The following DNAH10 variants were observed in gnomAD, a reference collection of about 807,000 sequenced individuals.
DNAH10 encodes dynein axonemal heavy chain 10.
In DNAH10, 348 loss-of-function variants were observed where a neutral mutation model predicts 506.6. That is an observed-to-expected ratio of 0.69 (90% confidence interval 0.63 to 0.75). The LOEUF is 0.75. Ranked by LOEUF, DNAH10 falls within the 30% of genes least tolerant of loss-of-function variation. The pLI is 0.00. For missense variants in DNAH10, 5,179 were observed against 5,787.1 expected, an observed-to-expected ratio of 0.89 and a Z score of 3.41; for synonymous variants, 2,059 against 2,198.6, an observed-to-expected ratio of 0.94 and a Z score of 1.78.
At chr12:123,766,112 G>A (rs1034283317) in intron 1 of DNAH10, among the ~76,000 whole-genome samples, 4 of 137,466 alleles carry the variant, frequency 2.9e-5, no homozygotes, top group Admixed American at 7.1e-5. Context: ...ACATCTGTCT[G>A]TCTATCTATC....
At position 123,838,492 on chromosome 12, in the gene DNAH10, A is replaced by T; in HGVS notation, c.4939A>T (p.Arg1647Trp). The T allele has an allele frequency of 6.2e-7, 1 of 1,613,988 alleles. No homozygotes were observed. Residue 1647 changes from arginine to tryptophan, a missense_variant, in exon 29 of 79, where the codon AGG becomes TGG. Physicochemically the swap from Arg to Trp is moderately radical, Grantham distance 101. Around this residue, in one of 3 missense-constraint regions of DNAH10, gnomAD observed 4,844 missense variants for 5,430.5 expected, o/e 0.89. Coordinates refer to ENST00000673944, the MANE Select transcript of DNAH10 (RefSeq NM_001372106.1). ...GACCTTAAAAGACCCCGTGATCAAGAGGTGCTGTGAAGCCCCAAACCGCCT... is the reference window on the plus strand; with the variant it reads ...GACCTTAAAAGACCCCGTGATCAAGTGGTGCTGTGAAGCCCCAAACCGCCT... ...GETLKDPVIK[R>W]CCEAPNRLSD...
intron 36 of DNAH10, 103 bp from the exon 37 acceptor site, chr12:123,856,953 T>C (rs1419988173): frequency 2.9e-6 from 2 of 683,444 alleles, no homozygotes; most frequent in Non-Finnish European, 4.2e-6. Flanking sequence ...ATAAAAATTA[T>C]ATTTTATATT....
chr12:123,923,294 A>G (rs1372517815), intron 65 of DNAH10: 2 of 152,776 alleles, frequency 1.3e-5, no homozygotes, highest in Non-Finnish European at 2.9e-5. Flanking sequence ...TTTGCACTAC[A>G]ATGGCGGAGT....
At chr12:123,824,338 G>A (rs538925649) in intron 24 of DNAH10, among the ~76,000 whole-genome samples, 1 of 152,296 alleles carries the variant, frequency 6.6e-6, no homozygotes, top group Admixed American at 6.5e-5. Flanking sequence ...TTCAGGGCAA[G>A]GTGATGTCTG....
intron 47 of DNAH10, among the ~76,000 whole-genome samples, chr12:123,877,533 C>T (rs963510876): frequency 1.1e-4 from 16 of 152,122 alleles, no homozygotes; most frequent in Non-Finnish European, 1.2e-4. Flanking sequence ...TCAGGCTGGT[C>T]TTCAACTCCT....
chr12:123,858,206 G>A (rs1330287998), intron 37 of DNAH10, among the ~76,000 whole-genome samples: 3 of 151,994 alleles, frequency 2.0e-5, no homozygotes, highest in Non-Finnish European at 4.4e-5. Flanking sequence ...GATATTGCAG[G>A]GATAGGATTT....
chr12:123,857,632 G>A (rs1594211814), intron 37 of DNAH10, among the ~76,000 whole-genome samples: 1 of 152,194 alleles, frequency 6.6e-6, no homozygotes, highest in Non-Finnish European at 1.5e-5. Flanking sequence ...GGAGGCTGAG[G>A]CGAGAGAATT....
At chr12:123,851,392 C>G (rs1594194149) in intron 35 of DNAH10, among the ~76,000 whole-genome samples, 1 of 150,900 alleles carries the variant, frequency 6.6e-6, no homozygotes, top group Non-Finnish European at 1.5e-5. Flanking sequence ...GACTGGGGAC[C>G]TAGGATGTGT....
chr12:123,826,733 T>A lies in DNAH10; in HGVS notation c.4226T>A (p.Val1409Glu). 1 of 1,613,878 alleles carries A rather than the reference T, an allele frequency of 6.2e-7. No individual in the cohort carries two copies. Among genetic ancestry groups the A allele is most frequent in the Non-Finnish European group, 8.5e-7 (1 of 1,179,782 alleles). ...WSQTLWINLN[V>E]QILQEGIEGF... is the part of the protein sequence containing the mutation. The stretch of plus-strand genomic sequence containing the variant: ...CAGACCCTTTGGATCAACCTGAATG[T>A]GCAGATTCTCCAGGAAGGAATTGAA... Residue 1409 changes from valine to glutamate, a missense_variant, in exon 25 of 79, where the codon GTG becomes GAG. By Grantham distance (121) the Val-to-Glu change is moderately radical. This residue lies in a region of DNAH10 where 4,844 missense variants were observed against 5,430.5 expected (regional missense o/e 0.89). Coordinates refer to ENST00000673944, the MANE Select transcript of DNAH10 (RefSeq NM_001372106.1).
chr12:123,838,619 T>C lies in DNAH10; in HGVS notation c.5066T>C (p.Ile1689Thr). ...AATGCTTTCCCAAGGTTCTTCTTCATTTCTGACGATGAGTTGCTTAGCATT... is the reference window on the plus strand; with the variant it reads ...AATGCTTTCCCAAGGTTCTTCTTCACTTCTGACGATGAGTTGCTTAGCATT... ...KRNAFPRFFFISDDELLSILG... is the reference protein window; with the variant it reads ...KRNAFPRFFFTSDDELLSILG... The change falls in exon 29 of 79, where the codon ATT becomes ACT. Residue 1689 changes from isoleucine to threonine, a missense_variant. Ile to Thr is a moderately conservative substitution (Grantham distance 89). This residue lies in a region of DNAH10 where 4,844 missense variants were observed against 5,430.5 expected (regional missense o/e 0.89). Coordinates refer to ENST00000673944, the MANE Select transcript of DNAH10 (RefSeq NM_001372106.1). The C allele has an allele frequency of 6.2e-7, 1 of 1,614,036 alleles. No homozygotes were observed. The highest frequency in any genetic ancestry group is 8.5e-7 in the Non-Finnish European group (1 of 1,179,886).
intron 43 of DNAH10, among the ~76,000 whole-genome samples, chr12:123,869,718 T>C (rs969584552): frequency 6.6e-6 from 1 of 152,182 alleles, no homozygotes; most frequent in African/African-American, 2.4e-5. Context: ...TTCCTCCTTC[T>C]CAGGCTCCTC....
At position 123,916,584 on chromosome 12, in the gene DNAH10, A is replaced by G; in HGVS notation, c.10850A>G (p.Asn3617Ser). 1 of 1,613,910 alleles carries G rather than the reference A, an allele frequency of 6.2e-7. No homozygotes were observed. Among genetic ancestry groups the G allele is most frequent in the Non-Finnish European group, 8.5e-7 (1 of 1,179,884 alleles). ...DPVIDNVLEK[N>S]IKVSQGRQFI... ...GTGATTGACAACGTCTTAGAAAAAA[A>G]TATAAAAGTCTCCCAAGGACGGCAG... Residue 3617 changes from asparagine to serine, a missense_variant, in exon 63 of 79, where the codon AAT becomes AGT. Asn to Ser is a conservative substitution (Grantham distance 46). This residue lies in a region of DNAH10 where 4,844 missense variants were observed against 5,430.5 expected (regional missense o/e 0.89). Transcript: ENST00000673944. This position sits in a 1 kb window ranked among gnomAD's most constrained non-coding sequence, Gnocchi z 4.6.
chr12:123,887,447 G>A (rs1002425158), intron 52 of DNAH10, 134 bp downstream of exon 52: 40 of 1,065,748 alleles, frequency 3.8e-5, no homozygotes, highest in East Asian at 1.1e-4. Flanking sequence ...CCCTCACGGC[G>A]GCCCCTGAGA....
At chr12:123,816,156 C>T (rs888654510) in intron 21 of DNAH10, among the ~76,000 whole-genome samples, 1 of 152,194 alleles carries the variant, frequency 6.6e-6, no homozygotes, top group African/African-American at 2.4e-5. Context: ...TCCCTGGTTC[C>T]TGGCGCACAG....
In DNAH10 at chr12:123,928,091, C is replaced by T; in HGVS notation, c.12106-296C>T. On this transcript the variant is annotated intron_variant, in intron 69 of 78. Coordinates refer to ENST00000673944, the MANE Select transcript of DNAH10 (RefSeq NM_001372106.1). This position sits in a 1 kb window ranked among gnomAD's most constrained non-coding sequence, Gnocchi z 4.9. ...GCCCTGCTCAGGAGTCCTCAGGGGACAGGAGCGACTGTGTGGGAGGAGCTG... is the reference window on the plus strand; with the variant it reads ...GCCCTGCTCAGGAGTCCTCAGGGGATAGGAGCGACTGTGTGGGAGGAGCTG... 1.9e-6 allele frequency: 1 copy of T among 524,750 alleles called. No individual in the cohort carries two copies. 32.5% of individuals were successfully genotyped at this position (524,750 alleles called of 1,614,324 possible).
At position 123,770,974 on chromosome 12, in the gene DNAH10, CT is replaced by C. The variant is rs33920942; in HGVS notation, c.299-609del. Among the ~76,000 whole-genome samples, 435 of 126,374 alleles carry C rather than the reference CT, an allele frequency of 3.4e-3. 2 individuals are homozygous for C. Among genetic ancestry groups the C allele is most frequent in the African/African-American group, 0.01 (337 of 33,082 alleles). 82.9% of individuals were successfully genotyped at this position (126,374 alleles called of 152,430 possible). ...AAATGCTAACATGCTAGCTGTAATT[CT>C]TTTTTTTTTTTTTTTTTGAGATGGA... On this transcript the variant is annotated intron_variant, in intron 2 of 78. Coordinates refer to ENST00000673944, the MANE Select transcript of DNAH10 (RefSeq NM_001372106.1).
intron 67 of DNAH10, 148 bp from the exon 68 acceptor site, chr12:123,924,902 G>T: frequency 9.7e-7 from 1 of 1,027,498 alleles, no homozygotes; most frequent in South Asian, 1.7e-5. Flanking sequence ...TTTGGGGGTA[G>T]AGAATGACAG....
At chr12:123,899,469 C>T (rs1244205239) in intron 56 of DNAH10, among the ~76,000 whole-genome samples, 6 of 152,142 alleles carry the variant, frequency 3.9e-5, no homozygotes, top group Non-Finnish European at 8.8e-5. Context: ...GGTCCGTGTT[C>T]GTGTTGCTGC....
chr12:123,780,088 C>G (rs1283901373), intron 5 of DNAH10, among the ~76,000 whole-genome samples: 1 of 75,996 alleles, frequency 1.3e-5, no homozygotes. Context: ...TGGTCCTGAG[C>G]TGATGGTTTA....
Sources: allele counts gnomAD v4.1 joint callset (sites outside exome capture counted in the v4.1 genomes callset), GRCh38; gene constraint gnomAD v4.1.1; regional missense constraint gnomAD v4.1.1; non-coding constraint Gnocchi (gnomAD v3.1); transcripts MANE v1.5; gene names NCBI Gene and HGNC (gene_info 2026-07-23, HGNC 2026-07-21).